Variants in FRMPD3 observed in about 807,000 individuals in gnomAD.
FRMPD3 encodes FERM and PDZ domain-containing protein 3.
Under a neutral mutation model 97.9 loss-of-function variants are expected in FRMPD3, and 42 were observed. The observed-to-expected ratio is 0.43, with a 90% confidence interval of 0.34 to 0.55. FRMPD3 has a LOEUF of 0.55. FRMPD3 is among the 20% of genes least tolerant of loss of function. FRMPD3 has a pLI of 0.03. For synonymous variants in FRMPD3, 577 were observed against 581.1 expected (o/e 0.99, Z 0.10); for missense variants, 1,303 against 1,457.7 (o/e 0.89, Z 1.73).
At chrX:107,502,252 G>A (rs919424182) in intron 1 of FRMPD3, among the ~76,000 whole-genome samples, 4 of 110,431 alleles carry the variant, frequency 3.6e-5, no homozygotes, top group African/African-American at 1.3e-4. Flanking sequence ...GCCAAGTGAG[G>A]GGGATTTTCA....
chrX:107,546,743 G>A (rs746683691), intron 5 of FRMPD3, among the ~76,000 whole-genome samples: 12 of 112,535 alleles, frequency 1.1e-4, no homozygotes, highest in African/African-American at 3.9e-4. Flanking sequence ...ACAGGCACTT[G>A]TGTGCTTTTG....
chrX:107,497,702 A>C (rs1189170456), intron 1 of FRMPD3, among the ~76,000 whole-genome samples: 1 of 112,307 alleles, frequency 8.9e-6, no homozygotes, highest in African/African-American at 3.2e-5. Flanking sequence ...TGTCTCCAAG[A>C]ACTTAAAAAT....
At chrX:107,547,092 T>C (rs907318510) in intron 5 of FRMPD3, among the ~76,000 whole-genome samples, 7 of 111,289 alleles carry the variant, frequency 6.3e-5, no homozygotes, top group Non-Finnish European at 1.3e-4. Context: ...AGAAAAGTTT[T>C]AAGAGAAGTG....
chrX:107,554,404 A>C lies in FRMPD3; in HGVS notation c.662A>C (p.Tyr221Ser). 8.3e-7 allele frequency: 1 copy of C among 1,209,191 alleles called. No homozygotes were observed. Among genetic ancestry groups the C allele is most frequent in the Non-Finnish European group, 1.1e-6 (1 of 894,544 alleles). ...ATTCAGGTGGTACAGCGGACACACT[A>C]TCATGGAATGAAATGCCTCTTCCGA... The part of the protein sequence containing the change: ...PLAYVVQRTH[Y>S]HGMKCLFRIS... Residue 221 changes from tyrosine (Y) to serine (S), a missense_variant, in exon 8 of 15, where the codon TAT becomes TCT. Tyr to Ser is a moderately radical substitution (Grantham distance 144). This residue lies in a region of FRMPD3 where 535 missense variants were observed against 618.6 expected (regional missense o/e 0.86). Coordinates refer to ENST00000683843, the MANE Select transcript of FRMPD3 (RefSeq NM_001388459.1).
At chrX:107,561,673 G>A (rs763731769) in intron 10 of FRMPD3, among the ~76,000 whole-genome samples, 2 of 112,602 alleles carry the variant, frequency 1.8e-5, no homozygotes, top group East Asian at 5.6e-4. Flanking sequence ...GCATGCAGAT[G>A]TACATATGGG....
At chrX:107,530,643 C>T (rs919034264) in intron 3 of FRMPD3, 132 bp downstream of exon 3, 1 of 470,206 alleles carries the variant, frequency 2.1e-6, no homozygotes, top group Non-Finnish European at 3.6e-6. Flanking sequence ...ATAGAGGGCT[C>T]CTGGCTAACC....
chrX:107,568,595 G>C (rs1438608611), intron 12 of FRMPD3, among the ~76,000 whole-genome samples: 1 of 105,709 alleles, frequency 9.5e-6, no homozygotes, highest in East Asian at 3.0e-4. Context: ...TCAGCTGGGC[G>C]TGGTGGCACA....
In FRMPD3 at chrX:107,597,429, C is replaced by A. The variant is rs761361932; in HGVS notation, c.1550C>A (p.Thr517Lys). The A allele has an allele frequency of 4.1e-6, 5 of 1,210,767 alleles. No homozygotes were observed. Among genetic ancestry groups the A allele is most frequent in the East Asian group, 5.9e-5 (2 of 33,853 alleles). ...GTSPRKSSRC[T>K]PPPADSELVS... Reference sequence around the variant, plus strand: ...AGCCCCAGGAAATCGAGCCGCTGCACGCCCCCACCTGCCGACTCTGAGCTT... The same window carrying A: ...AGCCCCAGGAAATCGAGCCGCTGCAAGCCCCCACCTGCCGACTCTGAGCTT... Residue 517 changes from threonine (T) to lysine (K), a missense_variant, in exon 14 of 15, where the codon ACG becomes AAG. Physicochemically the swap from Thr to Lys is moderately conservative, Grantham distance 78 (BLOSUM62 -1). Transcript: ENST00000683843.
intron 13 of FRMPD3, among the ~76,000 whole-genome samples, chrX:107,579,760 A>G (rs1923296783): frequency 9.0e-6 from 1 of 111,185 alleles, no homozygotes; most frequent in Non-Finnish European, 1.9e-5. Context: ...AGCTCTCTGT[A>G]TCCTGGGGTA....
chrX:107,537,816 A>C (rs1921067528), intron 4 of FRMPD3, among the ~76,000 whole-genome samples: 1 of 111,188 alleles, frequency 9.0e-6, no homozygotes, highest in African/African-American at 3.3e-5. Flanking sequence ...AAATTTGCCT[A>C]CTCCCAAAAA....
intron 1 of FRMPD3, among the ~76,000 whole-genome samples, chrX:107,503,449 T>G (rs975327209): frequency 1.8e-5 from 2 of 112,254 alleles, no homozygotes; most frequent in Non-Finnish European, 3.8e-5. Flanking sequence ...CTCTAATTAG[T>G]GTAAGAGCTG....
chrX:107,538,116 C>T (rs1036908607), intron 4 of FRMPD3, among the ~76,000 whole-genome samples: 2 of 111,666 alleles, frequency 1.8e-5, no homozygotes, highest in Non-Finnish European at 3.8e-5. Flanking sequence ...AGGCAAGTCA[C>T]TTAACACTTT....
At chrX:107,520,641 G>A (rs1209548029) in intron 1 of FRMPD3, among the ~76,000 whole-genome samples, 1 of 111,368 alleles carries the variant, frequency 9.0e-6, no homozygotes, top group Non-Finnish European at 1.9e-5. Context: ...AGAGTGAGAC[G>A]CTGCCTCAAA....
At chrX:107,545,646 T>C (rs1921551265) in intron 4 of FRMPD3, 91 bp from the exon 5 acceptor site, 1 of 659,500 alleles carries the variant, frequency 1.5e-6, no homozygotes, top group Non-Finnish European at 2.4e-6. Flanking sequence ...ATGCAAAGTG[T>C]ACCTGTACTG....
intron 1 of FRMPD3, among the ~76,000 whole-genome samples, chrX:107,458,138 C>T (rs1391799903): frequency 2.7e-5 from 3 of 111,415 alleles, no homozygotes; most frequent in Non-Finnish European, 3.8e-5. Flanking sequence ...AGATCCTTAG[C>T]GGGCTTCACT....
intron 1 of FRMPD3, among the ~76,000 whole-genome samples, chrX:107,503,926 C>T (rs1404570160): frequency 8.9e-6 from 1 of 112,362 alleles, no homozygotes; most frequent in Non-Finnish European, 1.9e-5. Flanking sequence ...CTAGCTTGAG[C>T]ACTCAGAAAG....
intron 1 of FRMPD3, among the ~76,000 whole-genome samples, chrX:107,491,562 G>C (rs145960800): frequency 0.024 from 2,647 of 112,202 alleles, 72 homozygotes; most frequent in African/African-American, 0.08. Context: ...TCTCGTATTA[G>C]GGGCTCTGCC....
rs757053747 is a variant in FRMPD3, at chrX:107,565,053, T to C, written c.1283T>C (p.Ile428Thr). 1.4e-5 allele frequency: 16 copies of C among 1,183,205 alleles called. No individual in the cohort carries two copies. The highest frequency in any genetic ancestry group is 1.8e-5 in the Non-Finnish European group (16 of 881,733). ...GGCGTGGCCCGGGTGGAGACCAGCA[T>C]CATGGATGCCAAGGTAAGCCCTGCT... ...NQGVARVETS[I>T]MDAKPLVLLM... Residue 428 changes from isoleucine (I) to threonine (T), a missense_variant, in exon 12 of 15, where the codon ATC becomes ACC. Transcript: ENST00000683843.
At chrX:107,492,722 C>T (rs767958458) in intron 1 of FRMPD3, among the ~76,000 whole-genome samples, 2 of 112,116 alleles carry the variant, frequency 1.8e-5, no homozygotes, top group Non-Finnish European at 3.8e-5. Flanking sequence ...TTTGTATACA[C>T]ATTAAATTTC....
Sources: allele counts gnomAD v4.1 joint callset (sites outside exome capture counted in the v4.1 genomes callset), GRCh38; gene constraint gnomAD v4.1.1; regional missense constraint gnomAD v4.1.1; transcripts MANE v1.5; gene names NCBI Gene and HGNC (gene_info 2026-07-23, HGNC 2026-07-21).